The following GPC5 variants were observed in gnomAD, a reference collection of about 807,000 sequenced individuals.
GPC5 encodes the protein glypican-5.
In GPC5, 47 loss-of-function variants were observed where a neutral mutation model predicts 53.9. The observed-to-expected ratio is 0.87, with a 90% CI of 0.69 to 1.11. The LOEUF is 1.11. Ranked by LOEUF, GPC5 falls within the 50% of genes most tolerant of loss-of-function variation. The pLI, the probability that GPC5 is intolerant of heterozygous loss-of-function variation, is 0.00. For synonymous variants in GPC5, 286 were observed against 263.3 expected (o/e 1.09, Z -0.84); for missense variants, 748 against 713.1 (o/e 1.05, Z -0.56).
intron 2 of GPC5, among the ~76,000 whole-genome samples, chr13:91,533,867 A>T (rs1886464200): frequency 6.6e-6 from 1 of 152,298 alleles, no homozygotes; most frequent in South Asian, 2.1e-4. Flanking sequence ...TGAATCAGAG[A>T]CTTGACATCT....
Position 91,628,480 on chromosome 13 carries a change from A to ATCTGTCTGTCTGTCTGTCTG in GPC5, c.326-64703_326-64684dup, listed in dbSNP as rs56957789. ...CCGTAGCTACCTATCATTTGTATCT[A>ATCTGTCTGTCTGTCTGTCTG]TCTGTCTGTCTGTCTGTCTGTCTAT... On this transcript the variant is annotated intron_variant, in intron 2 of 7. Transcript: ENST00000377067. Among the ~76,000 whole-genome samples, 312 of 149,176 alleles carry ATCTGTCTGTCTGTCTGTCTG rather than the reference A, an allele frequency of 2.1e-3. 1 individual carries two copies. Among genetic ancestry groups the ATCTGTCTGTCTGTCTGTCTG allele is most frequent in the African/African-American group, 7.3e-3 (300 of 40,890 alleles).
intron 7 of GPC5, among the ~76,000 whole-genome samples, chr13:92,472,908 A>T (rs1878966102): frequency 1.3e-5 from 2 of 152,104 alleles, no homozygotes; most frequent in Admixed American, 1.3e-4. Flanking sequence ...TCTTTGTGTG[A>T]ACAAAGCAGT....
At chr13:91,897,368 T>C (rs1330470) in intron 5 of GPC5, among the ~76,000 whole-genome samples, 33,778 of 149,152 alleles carry the variant, frequency 0.23, 4,060 homozygotes, top group African/African-American at 0.3. Context: ...TGTGTGTGTG[T>C]GCGCCTGTGC....
chr13:92,382,951 C>T (rs1412051051), intron 7 of GPC5, among the ~76,000 whole-genome samples: 1 of 142,182 alleles, frequency 7.0e-6, no homozygotes, highest in Non-Finnish European at 1.5e-5. Flanking sequence ...TGCAGTGAGC[C>T]GAGATCGTGC....
chr13:92,827,343 T>A (rs1020973460), intron 7 of GPC5, among the ~76,000 whole-genome samples: 1 of 152,134 alleles, frequency 6.6e-6, no homozygotes, highest in Non-Finnish European at 1.5e-5. Context: ...AAGTGGCTAA[T>A]CCTGATGACA....
At position 92,006,766 on chromosome 13, in the gene GPC5, T is replaced by TAC. The variant is rs535745392; in HGVS notation, c.1401+98721_1401+98722dup. Among the ~76,000 whole-genome samples the TAC allele has an allele frequency of 9.2e-5, 14 of 151,830 alleles. No homozygotes were observed. The East Asian group carries it at 1.2e-3, about 13-fold the overall frequency. ...AGAGACACACACACATTCATAAACA[T>TAC]ACACACACACACAGATATAGTAGAA... is the stretch of plus-strand genomic sequence containing the variant. On this transcript the variant is annotated intron_variant, in intron 6 of 7. Transcript: ENST00000377067.
At chr13:91,624,907 A>G (rs1566562228) in intron 2 of GPC5, among the ~76,000 whole-genome samples, 1 of 151,956 alleles carries the variant, frequency 6.6e-6, no homozygotes, top group Non-Finnish European at 1.5e-5. Flanking sequence ...ACTCTGAGGA[A>G]CAATTTCAGT....
intron 1 of GPC5, among the ~76,000 whole-genome samples, chr13:91,440,636 A>T (rs371704039): frequency 2.6e-5 from 4 of 152,218 alleles, no homozygotes; most frequent in East Asian, 3.9e-4. Flanking sequence ...TCGACTCTTC[A>T]TATGTTCAGT....
intron 5 of GPC5, among the ~76,000 whole-genome samples, chr13:91,773,621 G>T (rs1405772361): frequency 1.3e-5 from 2 of 152,176 alleles, no homozygotes; most frequent in Non-Finnish European, 2.9e-5. Context: ...GAATGTGATA[G>T]TTTCAATATG....
chr13:91,543,227 A>C (rs1381033056), intron 2 of GPC5, among the ~76,000 whole-genome samples: 1 of 151,962 alleles, frequency 6.6e-6, no homozygotes, highest in Non-Finnish European at 1.5e-5. Flanking sequence ...TCCTGACCTC[A>C]GGTGATCCAT....
chr13:91,971,859 A>G (rs1309935725), intron 6 of GPC5, among the ~76,000 whole-genome samples: 2 of 152,064 alleles, frequency 1.3e-5, no homozygotes, highest in Admixed American at 6.6e-5. Flanking sequence ...GTTCTTTTAC[A>G]TTTGCTGAGG....
chr13:92,212,686 A>C (rs552567344), intron 7 of GPC5, among the ~76,000 whole-genome samples: 1 of 152,314 alleles, frequency 6.6e-6, no homozygotes, highest in South Asian at 2.1e-4. Flanking sequence ...TAAAACACTG[A>C]GATACTTTGG....
At chr13:91,792,058 A>G (rs464160) in intron 5 of GPC5, among the ~76,000 whole-genome samples, 1 of 151,934 alleles carries the variant, frequency 6.6e-6, no homozygotes. Flanking sequence ...AGTAAGAGTT[A>G]TTGCTTGGTT....
chr13:91,841,554 A>G (rs2038788230), intron 5 of GPC5, among the ~76,000 whole-genome samples: 2 of 152,048 alleles, frequency 1.3e-5, no homozygotes, highest in South Asian at 4.1e-4. Flanking sequence ...ATGATTATAG[A>G]TAGAAATTCA....
At chr13:91,573,747 T>C (rs191310419) in intron 2 of GPC5, among the ~76,000 whole-genome samples, 2 of 152,302 alleles carry the variant, frequency 1.3e-5, no homozygotes, top group African/African-American at 4.8e-5. Context: ...CTAAGCAATA[T>C]GGAGGTAAGA....
At chr13:92,572,480 C>A (rs1450474227) in intron 7 of GPC5, among the ~76,000 whole-genome samples, 1 of 152,098 alleles carries the variant, frequency 6.6e-6, no homozygotes, top group East Asian at 1.9e-4. Flanking sequence ...GCTGTGGTGA[C>A]CCTGGCCTCT....
At chr13:92,496,456 G>A (rs1399192946) in intron 7 of GPC5, among the ~76,000 whole-genome samples, 1 of 152,012 alleles carries the variant, frequency 6.6e-6, no homozygotes, top group Admixed American at 6.6e-5. Context: ...TGAAATTATT[G>A]CAAGGTAAAT....
At chr13:92,202,622 G>A (rs1369244572) in intron 7 of GPC5, among the ~76,000 whole-genome samples, 1 of 152,074 alleles carries the variant, frequency 6.6e-6, no homozygotes, top group Non-Finnish European at 1.5e-5. Context: ...CTTTCTCAGA[G>A]GCCACAGGCA....
At chr13:92,281,363 A>G (rs1309245265) in intron 7 of GPC5, among the ~76,000 whole-genome samples, 1 of 152,190 alleles carries the variant, frequency 6.6e-6, no homozygotes, top group Non-Finnish European at 1.5e-5. Flanking sequence ...CCTCTGCAGA[A>G]GTAAATGTCC....
Sources: allele counts gnomAD v4.1 joint callset (sites outside exome capture counted in the v4.1 genomes callset), GRCh38; gene constraint gnomAD v4.1.1; transcripts MANE v1.5; gene names NCBI Gene and HGNC (gene_info 2026-07-23, HGNC 2026-07-21).